CAPZB: variants seen among roughly 807,000 people sequenced by gnomAD.
CAPZB encodes the protein capping actin protein of muscle Z-line subunit beta, also known as F-actin-capping protein subunit beta.
Under a neutral mutation model 38.1 loss-of-function variants are expected in CAPZB, and 2 were observed. That is an observed-to-expected ratio of 0.05 (90% CI 0.02 to 0.17). CAPZB has a LOEUF of 0.17. CAPZB is among the 10% of genes least tolerant of loss of function. The pLI is 1.00. For synonymous variants in CAPZB, 107 were observed against 127.4 expected (o/e 0.84, Z 1.08); for missense variants, 161 against 334.2 (o/e 0.48, Z 4.04).
At chr1:19,360,740 AC>A (rs2094048576) in intron 4 of CAPZB, among the ~76,000 whole-genome samples, 1 of 152,064 alleles carries the variant, frequency 6.6e-6, no homozygotes, top group Non-Finnish European at 1.5e-5. Context: ...CCAATGTCCC[AC>A]CCTGTGGCCT....
At chr1:19,484,186 T>C (rs1454316382) in intron 1 of CAPZB, 1 of 1,611,454 alleles carries the variant, frequency 6.2e-7, no homozygotes, top group East Asian at 2.2e-5. Context: ...GGCGTTCTGC[T>C]CACCTGATCC....
At chr1:19,394,334 A>G (rs2094254340) in intron 2 of CAPZB, among the ~76,000 whole-genome samples, 1 of 152,250 alleles carries the variant, frequency 6.6e-6, no homozygotes, top group South Asian at 2.1e-4. Flanking sequence ...CTTCCTGTGA[A>G]GGCTGTAAGT....
chr1:19,453,819 G>A (rs186357231), intron 1 of CAPZB, among the ~76,000 whole-genome samples: 1 of 152,188 alleles, frequency 6.6e-6, no homozygotes, highest in Non-Finnish European at 1.5e-5. Context: ...TGTGAATAGT[G>A]AACAATTACT....
At position 19,435,599 on chromosome 1, in the gene CAPZB, A is replaced by G. The variant is rs74972773; in HGVS notation, c.4-15849T>C. 9.8e-3 allele frequency among the ~76,000 whole-genome samples: 1,493 copies of G among 152,372 alleles called. 61 individuals are homozygous for G. In the East Asian group the frequency reaches 0.12, roughly 13 times the overall value. On this transcript the variant is annotated intron_variant, in intron 1 of 8. Transcript: ENST00000264202. ...AGTAATAGCTAAAACTTATTAAGCC[A>G]TTCTTCTAAGTGCTTTATATGCCAA...
intron 1 of CAPZB, among the ~76,000 whole-genome samples, chr1:19,436,238 T>A (rs1451351025): frequency 6.6e-6 from 1 of 152,210 alleles, no homozygotes; most frequent in African/African-American, 2.4e-5. Context: ...TCCCACTCCA[T>A]CCTGCCTGGG....
At chr1:19,453,449 C>T (rs540640489) in intron 1 of CAPZB, among the ~76,000 whole-genome samples, 2 of 149,496 alleles carry the variant, frequency 1.3e-5, no homozygotes, top group African/African-American at 4.9e-5. Context: ...TTAGTAGAGA[C>T]GGCGTTTCAC....
At chr1:19,400,089 T>C (rs535429261) in intron 2 of CAPZB, among the ~76,000 whole-genome samples, 43 of 152,300 alleles carry the variant, frequency 2.8e-4, no homozygotes, top group Non-Finnish European at 5.1e-4. Context: ...TCTATATTTG[T>C]ATACAGAATC....
At chr1:19,419,091 G>C (rs1257309067) in intron 2 of CAPZB, among the ~76,000 whole-genome samples, 4 of 152,208 alleles carry the variant, frequency 2.6e-5, no homozygotes, top group African/African-American at 9.7e-5. Context: ...TATGGTGCTA[G>C]TGAATTTGAG....
intron 2 of CAPZB, among the ~76,000 whole-genome samples, chr1:19,399,655 G>A (rs2094292411): frequency 6.6e-6 from 1 of 152,150 alleles, no homozygotes; most frequent in South Asian, 2.1e-4. Context: ...GAGTACAGAG[G>A]GAGGAGCTCA....
intron 2 of CAPZB, among the ~76,000 whole-genome samples, chr1:19,390,244 C>T (rs1466485217): frequency 6.6e-6 from 1 of 152,180 alleles, no homozygotes; most frequent in African/African-American, 2.4e-5. Context: ...TGGGTTTGTA[C>T]AGTGATTTAA....
Position 19,357,627 on chromosome 1 carries a change from G to A in CAPZB, c.330-64C>T. 6.4e-7 allele frequency: 1 copy of A among 1,556,578 alleles called. No homozygotes were observed. The highest frequency in any genetic ancestry group is 1.7e-5 in the Admixed American group (1 of 57,452). ...GGACAGATCATCAGCCTGGGTCCCAGGCTGCTGCTCAGCAAAGATTCTGGG... is the reference window on the plus strand; with the variant it reads ...GGACAGATCATCAGCCTGGGTCCCAAGCTGCTGCTCAGCAAAGATTCTGGG... On this transcript the variant is annotated intron_variant, in intron 4 of 8. Transcript: ENST00000264202. This position sits in a 1 kb window ranked among gnomAD's most constrained non-coding sequence, Gnocchi z 4.3.
intron 6 of CAPZB, among the ~76,000 whole-genome samples, chr1:19,347,906 G>A (rs2093970561): frequency 6.6e-6 from 1 of 152,202 alleles, no homozygotes; most frequent in Non-Finnish European, 1.5e-5. Context: ...CACCACGCCA[G>A]TTAAATGTAC....
chr1:19,477,516 C>T (rs1224829224), intron 1 of CAPZB, among the ~76,000 whole-genome samples: 1 of 152,236 alleles, frequency 6.6e-6, no homozygotes, highest in Admixed American at 6.5e-5. Flanking sequence ...TAAGGCTCCT[C>T]CTTCCAGTTT....
intron 3 of CAPZB, among the ~76,000 whole-genome samples, chr1:19,379,520 A>C (rs1247474246): frequency 6.6e-6 from 1 of 152,258 alleles, no homozygotes; most frequent in East Asian, 1.9e-4. Flanking sequence ...TGTCAGTTAC[A>C]GAGGCGGGCA....
intron 1 of CAPZB, among the ~76,000 whole-genome samples, chr1:19,456,402 T>C (rs1011281876): frequency 6.6e-6 from 1 of 152,128 alleles, no homozygotes; most frequent in Non-Finnish European, 1.5e-5. Context: ...TGGAAACTAG[T>C]TTTTTAAAAA....
intron 4 of CAPZB, among the ~76,000 whole-genome samples, chr1:19,362,775 A>G (rs1259612454): frequency 6.6e-6 from 1 of 152,240 alleles, no homozygotes; most frequent in Non-Finnish European, 1.5e-5. Flanking sequence ...CAATCCCCAC[A>G]GTCAAGAGGC....
intron 2 of CAPZB, among the ~76,000 whole-genome samples, chr1:19,415,313 A>G (rs1488816457): frequency 1.3e-5 from 2 of 152,226 alleles, no homozygotes; most frequent in Non-Finnish European, 1.5e-5. Flanking sequence ...GCTACTTTCA[A>G]AACATCTGAC....
chr1:19,484,652 C>A, intron 1 of CAPZB: 1 of 1,167,652 alleles, frequency 8.6e-7, no homozygotes. Flanking sequence ...AAGGCGCGCC[C>A]CAGGTACAGG....
intron 4 of CAPZB, among the ~76,000 whole-genome samples, chr1:19,365,367 T>C (rs2094077863): frequency 6.6e-6 from 1 of 152,168 alleles, no homozygotes; most frequent in Non-Finnish European, 1.5e-5. Context: ...CACAGGAATA[T>C]ACGTGAAAGC....
Sources: gnomAD v4.1 joint callset for allele counts (sites outside exome capture counted in the v4.1 genomes callset) on GRCh38, gnomAD v4.1.1 for gene constraint, Gnocchi (gnomAD v3.1) non-coding constraint, MANE v1.5 for transcripts, NCBI Gene and HGNC (gene_info 2026-07-23, HGNC 2026-07-21) for gene names.